KRT86: variants seen among roughly 807,000 people sequenced by gnomAD.
KRT86 encodes keratin, type II cuticular Hb6.
In KRT86, 30 loss-of-function variants were observed where a neutral mutation model predicts 41.2. The observed-to-expected ratio is 0.73, with a 90% CI of 0.54 to 0.99. The LOEUF (loss-of-function observed/expected upper bound fraction) is 0.99, where lower values mean the gene tolerates loss of function less well. Ranked by LOEUF, KRT86 falls within the 50% of genes least tolerant of loss-of-function variation. The pLI is 0.00. For missense variants in KRT86, 561 were observed against 571.4 expected (o/e 0.98, Z 0.19); for synonymous variants, 238 against 238.1 (o/e 1.00, Z 0.00).
intron 2 of KRT86, chr12:52,288,303 A>C (rs1197551377): frequency 1.9e-6 from 3 of 1,608,754 alleles, no homozygotes; most frequent in African/African-American, 2.7e-5. Flanking sequence ...CAACACTCCC[A>C]CCCCCAACTC....
intron 9 of KRT86, among the ~76,000 whole-genome samples, chr12:52,307,521 C>T (rs1278662327): frequency 1.3e-5 from 2 of 152,160 alleles, no homozygotes; most frequent in Non-Finnish European, 2.9e-5. Context: ...ATTTTCTTCC[C>T]TTAGGGGAAG....
At chr12:52,284,332 G>A (rs1937855922) in intron 2 of KRT86, among the ~76,000 whole-genome samples, 1 of 152,182 alleles carries the variant, frequency 6.6e-6, no homozygotes, top group Non-Finnish European at 1.5e-5. Context: ...TGGGACTATA[G>A]GTGCACACCA....
At chr12:52,283,345 C>T (rs1364276484) in intron 2 of KRT86, among the ~76,000 whole-genome samples, 1 of 140,524 alleles carries the variant, frequency 7.1e-6, no homozygotes, top group East Asian at 2.3e-4. Context: ...GTGAGCTGAG[C>T]CTGCACCACC....
At chr12:52,278,950 T>G (rs993571713) in intron 2 of KRT86, 1 of 152,394 alleles carries the variant, frequency 6.6e-6, no homozygotes, top group African/African-American at 2.4e-5. Context: ...CCTGTTCCTT[T>G]CGGGGAGTTT....
At chr12:52,305,507 A>G (rs542527989) in intron 7 of KRT86, 103 bp downstream of exon 7, 1 of 1,603,522 alleles carries the variant, frequency 6.2e-7, no homozygotes, top group African/African-American at 1.3e-5. Flanking sequence ...AGGGATGAGA[A>G]GAGATGGCTG....
rs1205071646 is a variant in KRT86 at position 52,291,253 on chromosome 12, G to A, written c.-4-10660G>A. On this transcript the variant is annotated intron_variant, in intron 2 of 10. Transcript: ENST00000423955. ...TGGTGATGCATGGGGGACTGGGCCCGCACACGCCCCCGGAGCGGTAGCCGA... is the reference window on the plus strand; with the variant it reads ...TGGTGATGCATGGGGGACTGGGCCCACACACGCCCCCGGAGCGGTAGCCGA... 4 of 1,517,702 alleles carry A rather than the reference G, an allele frequency of 2.6e-6. No homozygotes were observed. The East Asian group carries it at 7.4e-5, about 28-fold the overall frequency. 94.0% of individuals were successfully genotyped at this position (1,517,702 alleles called of 1,614,324 possible). A position where few individuals can be genotyped will look rare whatever the true frequency, so the allele number is the denominator to read the frequency against.
At chr12:52,291,511 G>A (rs1267306704) in intron 2 of KRT86, 2 of 1,607,336 alleles carry the variant, frequency 1.2e-6, no homozygotes, top group Admixed American at 3.4e-5. Flanking sequence ...TAGGGGACCT[G>A]GAGTCCTGAT....
intron 2 of KRT86, among the ~76,000 whole-genome samples, chr12:52,282,106 A>G (rs960770754): frequency 6.6e-6 from 1 of 152,180 alleles, no homozygotes; most frequent in Non-Finnish European, 1.5e-5. Context: ...AAAATAGAGT[A>G]ACTATCAGAG....
At chr12:52,300,378 A>C (rs1202057526) in intron 2 of KRT86, among the ~76,000 whole-genome samples, 1 of 152,244 alleles carries the variant, frequency 6.6e-6, no homozygotes, top group Admixed American at 6.5e-5. Context: ...ATGAATTCTG[A>C]ATAAACACTG....
At position 52,305,807 on chromosome 12, in the gene KRT86, C is replaced by T; in HGVS notation, c.1026+19C>T. ...GTGCCAGGTATGGGGCATCTGTGCC[C>T]AAGGTCAGAGAGACCGAGGGTCTAA... On this transcript the variant is annotated intron_variant, in intron 8 of 10. Coordinates refer to ENST00000423955, the MANE Select transcript of KRT86 (RefSeq NM_001320198.2). The T allele has an allele frequency of 3.1e-6, 5 of 1,613,980 alleles. No individual in the cohort carries two copies. Among genetic ancestry groups the T allele is most frequent in the Non-Finnish European group, 4.2e-6 (5 of 1,179,872 alleles).
chr12:52,283,392 C>CAAAAAAA (rs1169224117), intron 2 of KRT86, among the ~76,000 whole-genome samples: 31 of 39,550 alleles, frequency 7.8e-4, no homozygotes, highest in South Asian at 3.1e-3. Context: ...AACTGTCTCA[C>CAAAAAAA]AAAAAAAAAA....
intron 2 of KRT86, among the ~76,000 whole-genome samples, chr12:52,292,375 T>C (rs1037990928): frequency 4.6e-5 from 7 of 152,238 alleles, no homozygotes; most frequent in East Asian, 1.9e-4. Context: ...ACTATTCATC[T>C]CAGATTCAAT....
chr12:52,301,925 TG>T lies in KRT86; in HGVS notation c.11del (p.Gly4AspfsTer99). MTCGSYCGGRAFSC... is the reference protein window; with the variant it reads MTCXSYCGGRAFSC... ...CTTCCCCAAAAAGCACCATGACTTG[TG>T]GATCTTACTGTGGTGGCCGCGCCTT... On this transcript the variant is annotated frameshift_variant, in exon 3 of 11. Coordinates refer to ENST00000423955, the MANE Select transcript of KRT86 (RefSeq NM_001320198.2). LOFTEE classifies it high-confidence loss of function. The T allele has an allele frequency of 1.9e-6, 3 of 1,613,842 alleles. No individual in the cohort carries two copies. Among genetic ancestry groups the T allele is most frequent in the Non-Finnish European group, 2.5e-6 (3 of 1,179,774 alleles).
intron 2 of KRT86, chr12:52,287,637 T>A: frequency 6.2e-7 from 1 of 1,613,892 alleles, no homozygotes. Flanking sequence ...AGCCTTTGGA[T>A]CATGCGGTTC....
intron 2 of KRT86, among the ~76,000 whole-genome samples, chr12:52,292,193 C>T (rs1227855748): frequency 2.6e-5 from 4 of 152,034 alleles, no homozygotes; most frequent in African/African-American, 2.4e-5. Flanking sequence ...ACCTGTTTAC[C>T]CCGATTCAAC....
rs779918036 is a variant in KRT86, at chr12:52,308,249, G to A, written c.1264G>A (p.Gly422Ser). 1 of 1,614,210 alleles carries A rather than the reference G, an allele frequency of 6.2e-7. No homozygotes were observed. The highest frequency in any genetic ancestry group is 8.5e-7 in the Non-Finnish European group (1 of 1,180,040). ...GEEQRLCEGV[G>S]SVNVCVSSSR... Reference sequence around the variant, plus strand: ...TCCCTGCAGGCTGTGCGAGGGCGTCGGCTCGGTGAATGTCTGTAAGTAGTG... The same window carrying A: ...TCCCTGCAGGCTGTGCGAGGGCGTCAGCTCGGTGAATGTCTGTAAGTAGTG... Residue 422 changes from glycine (G) to serine (S), a missense_variant, in exon 10 of 11, where the codon GGC (glycine) becomes AGC (serine). Around this residue, in one of 3 missense-constraint regions of KRT86, gnomAD observed 397 missense variants for 375.9 expected, o/e 1.06. Coordinates refer to ENST00000423955, the MANE Select transcript of KRT86 (RefSeq NM_001320198.2).
intron 2 of KRT86, among the ~76,000 whole-genome samples, chr12:52,298,978 T>C (rs1413722075): frequency 2.0e-5 from 3 of 152,332 alleles, no homozygotes; most frequent in South Asian, 4.1e-4. Flanking sequence ...CCTACTCCTT[T>C]AGTTATTTTG....
intron 1 of KRT86, among the ~76,000 whole-genome samples, chr12:52,275,351 T>C (rs1252265350): frequency 6.6e-6 from 1 of 152,238 alleles, no homozygotes; most frequent in Non-Finnish European, 1.5e-5. Context: ...GGTTTCTGAT[T>C]AATGGCATTC....
intron 2 of KRT86, chr12:52,288,292 C>G (rs1938026052): frequency 1.2e-6 from 2 of 1,608,960 alleles, no homozygotes; most frequent in Non-Finnish European, 8.5e-7. Flanking sequence ...CACATCCTGT[C>G]CAACACTCCC....
Sources: allele counts gnomAD v4.1 joint callset (sites outside exome capture counted in the v4.1 genomes callset), GRCh38; gene constraint gnomAD v4.1.1; regional missense constraint gnomAD v4.1.1; transcripts MANE v1.5; gene names NCBI Gene and HGNC (gene_info 2026-07-23, HGNC 2026-07-21).